MALRD1: variants seen among roughly 807,000 people sequenced by gnomAD.
MALRD1 encodes the protein MAM and LDL receptor class A domain containing 1.
A neutral mutation model predicts 242.1 loss-of-function variants in MALRD1; 247 were observed. The observed-to-expected ratio is 1.02, with a 90% CI of 0.92 to 1.13. MALRD1 has a LOEUF of 1.13. MALRD1 is among the 50% of genes most tolerant of loss of function. The probability of loss-of-function intolerance (pLI) is 0.00; values close to 1 mark genes in which losing one functional copy is unlikely to be tolerated. For synonymous variants in MALRD1, 995 were observed against 866.6 expected (o/e 1.15, Z -2.60); for missense variants, 2,989 against 2,533.1 (o/e 1.18, Z -3.86).
intron 18 of MALRD1, among the ~76,000 whole-genome samples, chr10:19,220,927 T>A (rs903162771): frequency 7.9e-5 from 12 of 152,152 alleles, no homozygotes; most frequent in Non-Finnish European, 1.5e-4. Context: ...TGTTTATTTA[T>A]ATATGATGTA....
intron 31 of MALRD1, among the ~76,000 whole-genome samples, chr10:19,513,236 T>A (rs762742480): frequency 3.9e-5 from 6 of 152,064 alleles, no homozygotes; most frequent in Non-Finnish European, 8.8e-5. Flanking sequence ...TGAGTCCACA[T>A]GAGAACTCAT....
chr10:19,141,234 T>A (rs1833529586), intron 10 of MALRD1, among the ~76,000 whole-genome samples: 1 of 152,198 alleles, frequency 6.6e-6, no homozygotes, highest in African/African-American at 2.4e-5. Context: ...AGACACACGC[T>A]ACAACATGGA....
intron 28 of MALRD1, 85 bp downstream of exon 28, chr10:19,389,694 C>A (rs1037100006): frequency 2.2e-6 from 3 of 1,377,854 alleles, no homozygotes; most frequent in African/African-American, 1.5e-5. Flanking sequence ...GGCTGCAGTG[C>A]AGTGGTGCAG....
intron 29 of MALRD1, among the ~76,000 whole-genome samples, chr10:19,471,730 TATC>T (rs1836508486): frequency 1.3e-5 from 2 of 151,880 alleles, no homozygotes; most frequent in South Asian, 4.1e-4. Context: ...AGTTTATTTT[TATC>T]ATGAAGAAAC....
chr10:19,537,517 C>T (rs768223374), intron 32 of MALRD1, among the ~76,000 whole-genome samples: 4 of 152,086 alleles, frequency 2.6e-5, no homozygotes, highest in Non-Finnish European at 4.4e-5. Context: ...TCTTCTCCCT[C>T]CTCTTTCTCC....
chr10:19,471,398 G>T (rs769187641), intron 29 of MALRD1, among the ~76,000 whole-genome samples: 1 of 151,710 alleles, frequency 6.6e-6, no homozygotes, highest in African/African-American at 2.4e-5. Context: ...CTTGCTTGAG[G>T]TTGCTTTGTC....
intron 5 of MALRD1, among the ~76,000 whole-genome samples, chr10:19,105,511 C>T (rs901928652): frequency 6.6e-5 from 10 of 151,884 alleles, no homozygotes; most frequent in Admixed American, 2.0e-4. Flanking sequence ...AGATTGAATT[C>T]GTATCTCTTT....
intron 24 of MALRD1, among the ~76,000 whole-genome samples, chr10:19,340,364 C>G (rs1226221692): frequency 6.6e-6 from 1 of 150,670 alleles, no homozygotes; most frequent in Admixed American, 6.6e-5. Flanking sequence ...TTTTTGTACC[C>G]ATTAACATCC....
chr10:19,114,318 T>TA (rs1308000827), intron 5 of MALRD1, among the ~76,000 whole-genome samples: 1 of 152,146 alleles, frequency 6.6e-6, no homozygotes, highest in African/African-American at 2.4e-5. Context: ...TGAGTGGACT[T>TA]AAAGAAAATG....
chr10:19,524,118 A>T (rs1406706176), intron 31 of MALRD1, among the ~76,000 whole-genome samples: 1 of 152,192 alleles, frequency 6.6e-6, no homozygotes, highest in African/African-American at 2.4e-5. Flanking sequence ...TGTGTTTTCC[A>T]TTCTGACAAC....
At chr10:19,229,770 A>C (rs1007021399) in intron 18 of MALRD1, among the ~76,000 whole-genome samples, 1 of 152,068 alleles carries the variant, frequency 6.6e-6, no homozygotes, top group Non-Finnish European at 1.5e-5. Flanking sequence ...AAATCTCTAG[A>C]TGTAACCTCT....
chr10:19,552,753 T>G (rs1204358798), intron 32 of MALRD1, among the ~76,000 whole-genome samples: 1 of 152,160 alleles, frequency 6.6e-6, no homozygotes, highest in African/African-American at 2.4e-5. Flanking sequence ...TTTCAGTGTT[T>G]GCTTTTGCAA....
chr10:19,627,196 C>A (rs1018327821), intron 36 of MALRD1, among the ~76,000 whole-genome samples: 1 of 152,002 alleles, frequency 6.6e-6, no homozygotes, highest in Non-Finnish European at 1.5e-5. Context: ...CAGGAATTAA[C>A]TTCAGAATTA....
intron 36 of MALRD1, among the ~76,000 whole-genome samples, chr10:19,627,759 T>TAA (rs553942713): frequency 5.0e-4 from 28 of 56,098 alleles, no homozygotes; most frequent in Middle Eastern, 0.015. Context: ...CAAGACTGTC[T>TAA]AAAAAAAAAA....
At chr10:19,563,883 G>T (rs1410087414) in intron 32 of MALRD1, among the ~76,000 whole-genome samples, 1 of 150,908 alleles carries the variant, frequency 6.6e-6, no homozygotes, top group East Asian at 2.0e-4. Flanking sequence ...ATCTCTTATG[G>T]CTGATAGTGA....
chr10:19,583,483 A>C (rs1310484843), intron 33 of MALRD1, among the ~76,000 whole-genome samples: 1 of 149,876 alleles, frequency 6.7e-6, no homozygotes, highest in South Asian at 2.1e-4. Flanking sequence ...TGAGATAATC[A>C]TGTGGTTTTT....
chr10:19,388,647 C>A (rs1487351100), intron 27 of MALRD1, among the ~76,000 whole-genome samples: 1 of 152,068 alleles, frequency 6.6e-6, no homozygotes, highest in Non-Finnish European at 1.5e-5. Flanking sequence ...AACTTTAAAG[C>A]CACATATGTT....
chr10:19,096,928 T>C (rs1270905715), intron 4 of MALRD1, among the ~76,000 whole-genome samples: 4 of 152,176 alleles, frequency 2.6e-5, no homozygotes, highest in Non-Finnish European at 5.9e-5. Context: ...AAGGACTAGG[T>C]CTCTCCTTTA....
chr10:19,697,768 G>A (rs1229354369), intron 38 of MALRD1, among the ~76,000 whole-genome samples: 2 of 152,076 alleles, frequency 1.3e-5, no homozygotes, highest in Admixed American at 1.3e-4. Context: ...AATTTTACAT[G>A]TTCCTTTCTC....
Sources: gnomAD v4.1 joint callset for allele counts (sites outside exome capture counted in the v4.1 genomes callset) on GRCh38, gnomAD v4.1.1 for gene constraint, MANE v1.5 for transcripts, NCBI Gene and HGNC (gene_info 2026-07-23, HGNC 2026-07-21) for gene names.